RIMBP2: variants seen among roughly 807,000 people sequenced by gnomAD.
RIMBP2 encodes RIMS-binding protein 2.
A neutral mutation model predicts 118.6 loss-of-function variants in RIMBP2; 48 were observed. The ratio of observed to expected loss-of-function variants is 0.40; its 90% CI spans 0.32 to 0.51. RIMBP2 has a LOEUF of 0.51. Among genes scored for constraint, RIMBP2 ranks in the 20% least tolerant of loss-of-function variants. The pLI, the probability that RIMBP2 is intolerant of heterozygous loss-of-function variation, is 0.41. For synonymous variants in RIMBP2, 762 were observed against 742.9 expected, an observed-to-expected ratio of 1.03 and a Z score of -0.42; for missense variants, 1,551 against 1,768.3, an observed-to-expected ratio of 0.88 and a Z score of 2.20.
At chr12:130,512,359 G>A (rs2009242) in intron 3 of RIMBP2, among the ~76,000 whole-genome samples, 27,231 of 151,808 alleles carry the variant, frequency 0.18, 2,904 homozygotes, top group South Asian at 0.3. Flanking sequence ...GCCTCACTCT[G>A]TCGCCCAGGC....
At chr12:130,665,272 C>T (rs2063866505) in intron 1 of RIMBP2, among the ~76,000 whole-genome samples, 1 of 151,648 alleles carries the variant, frequency 6.6e-6, no homozygotes, top group South Asian at 2.1e-4. Flanking sequence ...TGCCTGTAAT[C>T]CCAGCACTTT....
At chr12:130,436,568 A>G (rs913498866) in intron 13 of RIMBP2, among the ~76,000 whole-genome samples, 2 of 152,172 alleles carry the variant, frequency 1.3e-5, no homozygotes, top group Non-Finnish European at 2.9e-5. Flanking sequence ...CACCAAGGCC[A>G]TGTCTGGATT....
rs1269950565 is a variant in RIMBP2, at chr12:130,396,899, T to C, written c.*462A>G. The stretch of plus-strand genomic sequence containing the variant: ...TGTTTTTATTAGACAGTACAAATCA[T>C]TGTGCATTTATAAGGCAGAACATCA... On this transcript the variant is annotated 3_prime_UTR_variant, in exon 23 of 23. Transcript: ENST00000690449. 1.3e-5 allele frequency: 2 copies of C among 152,578 alleles called. No homozygotes were observed. Among genetic ancestry groups the C allele is most frequent in the African/African-American group, 4.8e-5 (2 of 41,462 alleles). The allele number at this position is 152,578 out of a possible 1,614,324, so 9.5% of individuals were successfully genotyped here.
At position 130,519,205 on chromosome 12, in the gene RIMBP2, A is replaced by C. The variant is rs78157372; in HGVS notation, c.-216-1288T>G. On this transcript the variant is annotated intron_variant, in intron 2 of 22. Transcript: ENST00000690449. ...TGCTCAGAGTCTAGGCTCCATTCAC[A>C]CATCAGAAAAGCAGCAAGAAATCAC... is the stretch of plus-strand genomic sequence containing the variant. 1.0e-2 allele frequency among the ~76,000 whole-genome samples: 1,523 copies of C among 152,350 alleles called. 20 individuals carry two copies. The highest frequency in any genetic ancestry group is 0.035 in the African/African-American group (1,453 of 41,580).
chr12:130,674,296 T>C (rs1177285509), intron 1 of RIMBP2, among the ~76,000 whole-genome samples: 1 of 152,210 alleles, frequency 6.6e-6, no homozygotes, highest in Non-Finnish European at 1.5e-5. Context: ...TCCCCAGCCA[T>C]GCGTCCTGTA....
intron 1 of RIMBP2, among the ~76,000 whole-genome samples, chr12:130,687,981 G>A (rs928961786): frequency 6.6e-6 from 1 of 152,178 alleles, no homozygotes; most frequent in South Asian, 2.1e-4. Flanking sequence ...ATTACCACGA[G>A]AGACAGTGAA....
At chr12:130,629,648 A>G (rs574236561) in intron 1 of RIMBP2, among the ~76,000 whole-genome samples, 21 of 152,328 alleles carry the variant, frequency 1.4e-4, no homozygotes, top group Non-Finnish European at 3.1e-4. Flanking sequence ...GATCCAATGC[A>G]TTAAGCAGGT....
intron 1 of RIMBP2, among the ~76,000 whole-genome samples, chr12:130,705,563 G>C (rs978989127): frequency 2.0e-5 from 3 of 152,220 alleles, no homozygotes; most frequent in Non-Finnish European, 4.4e-5. Flanking sequence ...TTCCTGACCA[G>C]CTCCTCACTA....
intron 10 of RIMBP2, among the ~76,000 whole-genome samples, chr12:130,444,481 A>G (rs2078369139): frequency 1.3e-5 from 2 of 152,214 alleles, no homozygotes; most frequent in African/African-American, 2.4e-5. Flanking sequence ...AGAAACCAAG[A>G]CCACGCTATT....
chr12:130,487,761 T>G lies in RIMBP2; in HGVS notation c.-3-8745A>C, dbSNP rs11060943. 9.0e-3 allele frequency among the ~76,000 whole-genome samples: 1,367 copies of G among 152,266 alleles called. 92 individuals carry two copies. In the East Asian group the frequency reaches 0.18, roughly 20 times the overall value. ...CATGAGAACCACAGGATCACAGGAC[T>G]TGTTTCCCTGTCTACTGGTGCACCC... is the stretch of plus-strand genomic sequence containing the variant. On this transcript the variant is annotated intron_variant, in intron 4 of 22. Coordinates refer to ENST00000690449, the MANE Select transcript of RIMBP2 (RefSeq NM_001393629.1).
intron 8 of RIMBP2, 56 bp downstream of exon 8, chr12:130,451,139 A>G: frequency 1.9e-6 from 3 of 1,580,238 alleles, no homozygotes; most frequent in East Asian, 4.5e-5. Context: ...GCCAACGTCC[A>G]CACCAGACAC....
chr12:130,532,841 G>A (rs558343011), intron 2 of RIMBP2, among the ~76,000 whole-genome samples: 49 of 149,964 alleles, frequency 3.3e-4, no homozygotes, highest in Admixed American at 5.3e-4. Flanking sequence ...AATGAGATGC[G>A]TGTGTTTAGC....
rs1229363886 is a variant in RIMBP2, at chr12:130,703,966, C to G, written c.-352+12256G>C. On this transcript the variant is annotated intron_variant, in intron 1 of 22. Coordinates refer to ENST00000690449, the MANE Select transcript of RIMBP2 (RefSeq NM_001393629.1). The surrounding 1 kb of genome is among the most constrained non-coding windows in gnomAD (Gnocchi z 5.7). ...AGGGGAACACACCACCTTCCTGCTA[C>G]TTTAGGGACATCAGCAAAGTCTCCC... Among the ~76,000 whole-genome samples, 1 of 152,174 alleles carries G rather than the reference C, an allele frequency of 6.6e-6. No individual in the cohort carries two copies. Among genetic ancestry groups the G allele is most frequent in the Non-Finnish European group, 1.5e-5 (1 of 68,028 alleles).
At chr12:130,559,051 A>G (rs12319649) in intron 2 of RIMBP2, among the ~76,000 whole-genome samples, 13,194 of 152,168 alleles carry the variant, frequency 0.087, 678 homozygotes, top group East Asian at 0.23. Flanking sequence ...TATTTTTAAT[A>G]GACAATAAGT....
intron 1 of RIMBP2, among the ~76,000 whole-genome samples, chr12:130,677,431 C>A (rs2064545345): frequency 6.6e-6 from 1 of 152,078 alleles, no homozygotes; most frequent in Admixed American, 6.5e-5. Context: ...AGTTCGAGAC[C>A]AGCCTGGCCA....
chr12:130,462,098 C>T (rs550479446), intron 6 of RIMBP2, among the ~76,000 whole-genome samples: 3 of 152,352 alleles, frequency 2.0e-5, no homozygotes, highest in East Asian at 3.9e-4. Context: ...TGGTGACACT[C>T]CCGCATCAGC....
intron 1 of RIMBP2, among the ~76,000 whole-genome samples, chr12:130,664,492 TC>T (rs2063834707): frequency 1.9e-5 from 2 of 105,430 alleles, no homozygotes; most frequent in Non-Finnish European, 4.4e-5. Context: ...CATCACACAC[TC>T]CCCATCCTGG....
At chr12:130,558,004 TAAAC>T (rs2056511847) in intron 2 of RIMBP2, among the ~76,000 whole-genome samples, 1 of 152,022 alleles carries the variant, frequency 6.6e-6, no homozygotes, top group Non-Finnish European at 1.5e-5. Flanking sequence ...CAGAAGGAAA[TAAAC>T]AAGCAAATAA....
chr12:130,674,436 G>A (rs116924661), intron 1 of RIMBP2, among the ~76,000 whole-genome samples: 1 of 152,172 alleles, frequency 6.6e-6, no homozygotes, highest in Non-Finnish European at 1.5e-5. Context: ...GTTGTGCAGA[G>A]CAGGGCTGCT....
Sources: gnomAD v4.1 joint callset for allele counts (sites outside exome capture counted in the v4.1 genomes callset) on GRCh38, gnomAD v4.1.1 for gene constraint, Gnocchi (gnomAD v3.1) non-coding constraint, MANE v1.5 for transcripts, NCBI Gene and HGNC (gene_info 2026-07-23, HGNC 2026-07-21) for gene names.